CIRSR: variants seen among roughly 807,000 people sequenced by gnomAD.
CIRSR encodes the protein CBF1 (RBPJ) interacting corepressor 1.
the CIRSR span, among the ~76,000 whole-genome samples, chr2:174,365,074 T>C: frequency 6.6e-6 from 1 of 152,340 alleles, no homozygotes; most frequent in East Asian, 1.9e-4. Flanking sequence ...TGAATGTTTT[T>C]AATAGCACCC....
chr2:174,375,713 T>C, the CIRSR span, among the ~76,000 whole-genome samples: 1 of 152,270 alleles, frequency 6.6e-6, no homozygotes, highest in African/African-American at 2.4e-5. Context: ...GGCAAAAAGG[T>C]AACATATTTA....
chr2:174,384,275 G>C, the CIRSR span, among the ~76,000 whole-genome samples: 1 of 152,118 alleles, frequency 6.6e-6, no homozygotes, highest in African/African-American at 2.4e-5. Flanking sequence ...AGACACAAAG[G>C]AACAAATATA....
chr2:174,385,730 A>G, the CIRSR span, among the ~76,000 whole-genome samples: 1 of 152,226 alleles, frequency 6.6e-6, no homozygotes, highest in Non-Finnish European at 1.5e-5. Flanking sequence ...CAAGAAAATA[A>G]GTAACAATAG....
chr2:174,348,366 A>G, the CIRSR span: 1 of 1,411,172 alleles, frequency 7.1e-7, no homozygotes, highest in South Asian at 1.6e-5. Context: ...ATGAAAAATT[A>G]AAATTGAGCT....
the CIRSR span, among the ~76,000 whole-genome samples, chr2:174,359,617 G>A: frequency 6.6e-5 from 10 of 152,176 alleles, no homozygotes; most frequent in Non-Finnish European, 1.2e-4. Context: ...TGGTGGGAGT[G>A]TAAACTAGTT....
the CIRSR span, among the ~76,000 whole-genome samples, chr2:174,362,239 G>A: frequency 6.6e-6 from 1 of 152,106 alleles, no homozygotes; most frequent in Non-Finnish European, 1.5e-5. Flanking sequence ...CCAGGAGGTC[G>A]AGGCTGCAGT....
the CIRSR span, among the ~76,000 whole-genome samples, chr2:174,363,626 T>C: frequency 6.6e-6 from 1 of 152,218 alleles, no homozygotes; most frequent in Non-Finnish European, 1.5e-5. Context: ...GGACTTATAG[T>C]TCCACGTGGC....
the CIRSR span, among the ~76,000 whole-genome samples, chr2:174,390,167 A>C: frequency 6.6e-6 from 1 of 152,086 alleles, no homozygotes; most frequent in Non-Finnish European, 1.5e-5. Flanking sequence ...AGCCACAGAC[A>C]CTCAACACCA....
the CIRSR span, among the ~76,000 whole-genome samples, chr2:174,382,965 T>C: frequency 6.6e-6 from 1 of 152,296 alleles, no homozygotes; most frequent in African/African-American, 2.4e-5. Flanking sequence ...CCTCTCCTTA[T>C]ATCCACTGGA....
chr2:174,353,703 T>C, the CIRSR span, among the ~76,000 whole-genome samples: 1 of 152,160 alleles, frequency 6.6e-6, no homozygotes, highest in Non-Finnish European at 1.5e-5. Context: ...CCTGACCTCG[T>C]GATCTGCCAG....
chr2:174,350,720 T>TCAA, the CIRSR span: 1 of 1,609,684 alleles, frequency 6.2e-7, no homozygotes. Context: ...TTCTGGATCT[T>TCAA]CTTCACCCTC....
At chr2:174,385,233 A>AC in the CIRSR span, among the ~76,000 whole-genome samples, 109 of 143,970 alleles carry the variant, frequency 7.6e-4, 1 homozygote, top group African/African-American at 2.4e-3. Context: ...AAAAAAAAAA[A>AC]AAAATTTTTT....
chr2:174,391,520 G>GTA, the CIRSR span, among the ~76,000 whole-genome samples: 1 of 152,154 alleles, frequency 6.6e-6, no homozygotes, highest in Non-Finnish European at 1.5e-5. Context: ...AGCCTGGGAG[G>GTA]TAGAGGCTTC....
chr2:174,356,529 A>AG, the CIRSR span, among the ~76,000 whole-genome samples: 2 of 149,212 alleles, frequency 1.3e-5, no homozygotes, highest in African/African-American at 2.5e-5. Context: ...GAAAGAAAGA[A>AG]GAAAGGAAGG....
chr2:174,367,055 A>T, the CIRSR span, among the ~76,000 whole-genome samples: 2 of 152,222 alleles, frequency 1.3e-5, no homozygotes, highest in Admixed American at 6.5e-5. Context: ...GGAAACAAAA[A>T]ATTAGGGTAA....
chr2:174,381,664 A>G, the CIRSR span: 1 of 1,527,094 alleles, frequency 6.5e-7, no homozygotes, highest in Non-Finnish European at 8.9e-7. Context: ...CTCAGAAAAA[A>G]AAAAAAGAAA....
the CIRSR span, among the ~76,000 whole-genome samples, chr2:174,378,048 C>T: frequency 6.6e-6 from 1 of 152,134 alleles, no homozygotes; most frequent in Admixed American, 6.6e-5. Context: ...AGGTGCATCA[C>T]AGGCCTTGGT....
the CIRSR span, among the ~76,000 whole-genome samples, chr2:174,350,075 G>A: frequency 5.9e-5 from 9 of 152,114 alleles, no homozygotes; most frequent in Admixed American, 1.3e-4. Context: ...AATTTCTAGA[G>A]TACTTCACAT....
chr2:174,377,820 A>G, the CIRSR span, among the ~76,000 whole-genome samples: 1 of 104,084 alleles, frequency 9.6e-6, no homozygotes. Flanking sequence ...GCCAGACGCC[A>G]TCTCAAAAAA....
Sources: allele counts gnomAD v4.1 joint callset (sites outside exome capture counted in the v4.1 genomes callset), GRCh38; gene constraint gnomAD v4.1.1; transcripts MANE v1.5; gene names NCBI Gene and HGNC (gene_info 2026-07-23, HGNC 2026-07-21).